Variants in SORT1 observed in about 807,000 individuals in gnomAD.
SORT1 encodes sortilin.
A neutral mutation model predicts 101.7 loss-of-function variants in SORT1; 39 were observed. The ratio of observed to expected loss-of-function variants is 0.38; its 90% CI spans 0.30 to 0.50. The LOEUF (loss-of-function observed/expected upper bound fraction) is 0.50, where lower values mean the gene tolerates loss of function less well. Ranked by LOEUF, SORT1 falls within the 20% of genes least tolerant of loss-of-function variation. The pLI is 0.90. For synonymous variants in SORT1, 396 were observed against 393.7 expected (o/e 1.01, Z -0.07); for missense variants, 878 against 1,040.4 (o/e 0.84, Z 2.15).
chr1:109,359,836 C>G (rs1650589640), intron 3 of SORT1, among the ~76,000 whole-genome samples: 1 of 152,172 alleles, frequency 6.6e-6, no homozygotes, highest in East Asian at 1.9e-4. Flanking sequence ...ACTCTAAAGT[C>G]TAAAATTGAA....
chr1:109,328,188 T>G (rs1266791695), intron 11 of SORT1, among the ~76,000 whole-genome samples: 1 of 152,266 alleles, frequency 6.6e-6, no homozygotes, highest in Non-Finnish European at 1.5e-5. Context: ...ATGAATAATG[T>G]TGCTATGTAC....
intron 3 of SORT1, among the ~76,000 whole-genome samples, chr1:109,364,507 C>T (rs983867668): frequency 4.6e-5 from 7 of 152,062 alleles, no homozygotes; most frequent in African/African-American, 1.7e-4. Context: ...AAAAAAACAG[C>T]TACAACCTAA....
rs553187239 is a variant in SORT1 at position 109,336,183 on chromosome 1, C to T, written c.1371+57G>A. 41 of 1,071,422 alleles carry T rather than the reference C, an allele frequency of 3.8e-5. 1 individual carries two copies. In the South Asian group the frequency reaches 4.9e-4, roughly 13 times the overall value. The allele number at this position is 1,071,422 out of a possible 1,614,324, so 66.4% of individuals were successfully genotyped here. A position where few individuals can be genotyped will look rare whatever the true frequency, so the allele number is the denominator to read the frequency against. On this transcript the variant is annotated intron_variant, in intron 11 of 19. Transcript: ENST00000256637. ...AACTTCATCATCCAAAAGGCTGGCA[C>T]TGATCAGAGCACAATGGAAAGGCTG...
intron 15 of SORT1, among the ~76,000 whole-genome samples, chr1:109,318,396 C>T (rs904072185): frequency 6.6e-6 from 1 of 152,106 alleles, no homozygotes; most frequent in East Asian, 1.9e-4. Flanking sequence ...GTGATACGCC[C>T]ACCTCGGCCT....
chr1:109,393,525 C>A (rs1653030359), intron 1 of SORT1, among the ~76,000 whole-genome samples: 1 of 152,160 alleles, frequency 6.6e-6, no homozygotes, highest in African/African-American at 2.4e-5. Flanking sequence ...TTGAAGCAAT[C>A]CAACTTAGTA....
Position 109,355,645 on chromosome 1 carries a change from G to GCCC in SORT1, c.441-179_441-177dup, listed in dbSNP as rs67471448. Reference sequence around the variant, plus strand: ...GGTGAGTCCGAAGAACATTCCACCCGCCCCCCCCCCCACAAACCCACTCAC... The same window carrying GCCC: ...GGTGAGTCCGAAGAACATTCCACCCGCCCCCCCCCCCCCCACAAACCCACTCAC... On this transcript the variant is annotated intron_variant, in intron 3 of 19. Coordinates refer to ENST00000256637, the MANE Select transcript of SORT1 (RefSeq NM_002959.7). 1.1e-3 allele frequency among the ~76,000 whole-genome samples: 96 copies of GCCC among 90,388 alleles called. 7 individuals are homozygous for GCCC. The highest frequency in any genetic ancestry group is 5.2e-3 in the South Asian group (11 of 2,118). 59.3% of individuals were successfully genotyped at this position (90,388 alleles called of 152,430 possible).
rs1341622055 is a variant in SORT1 at position 109,397,625 on chromosome 1, G to A, written c.268C>T (p.Arg90Trp). The A allele has an allele frequency of 1.6e-6, 2 of 1,285,690 alleles. No individual in the cohort carries two copies. Among genetic ancestry groups the A allele is most frequent in the African/African-American group, 1.6e-5 (1 of 62,654 alleles). The allele number at this position is 1,285,690 out of a possible 1,614,324, so 79.6% of individuals were successfully genotyped here. A position where few individuals can be genotyped will look rare whatever the true frequency, so the allele number is the denominator to read the frequency against. The change falls in exon 1 of 20, where the codon CGG becomes TGG. Residue 90 changes from arginine to tryptophan, a missense_variant. Coordinates refer to ENST00000256637, the MANE Select transcript of SORT1 (RefSeq NM_002959.7). The stretch of plus-strand genomic sequence containing the variant: ...TTGGCCAGCTTGGCGACGAAGTCCC[G>A]GACCCGGCCGCACTCCTCGTCCTCG... ...PGEDEECGRVRDFVAKLANNT... is the reference protein window; with the variant it reads ...PGEDEECGRVWDFVAKLANNT...
intron 13 of SORT1, 35 bp from the exon 14 acceptor site, chr1:109,325,124 G>C: frequency 6.8e-7 from 1 of 1,460,338 alleles, no homozygotes; most frequent in South Asian, 1.2e-5. Context: ...CATGACAGAG[G>C]ATCAATGTGT....
At chr1:109,351,360 G>A (rs1014332254) in intron 5 of SORT1, among the ~76,000 whole-genome samples, 11 of 152,164 alleles carry the variant, frequency 7.2e-5, no homozygotes, top group Non-Finnish European at 1.6e-4. Flanking sequence ...TATAAAATAT[G>A]GTCTAGTATA....
In SORT1 at chr1:109,359,172, T is replaced by C. The variant is rs550122957; in HGVS notation, c.441-3703A>G. Among the ~76,000 whole-genome samples the C allele has an allele frequency of 3.3e-5, 5 of 152,184 alleles. No individual in the cohort carries two copies. The East Asian group carries it at 9.7e-4, about 29-fold the overall frequency. On this transcript the variant is annotated intron_variant, in intron 3 of 19. Coordinates refer to ENST00000256637, the MANE Select transcript of SORT1 (RefSeq NM_002959.7). ...GATGTGCTGTCTGGTGAGGGTCTGC[T>C]TCCTGCTTCACAGATTACCCTCTTG...
rs577524390 is a variant in SORT1 at position 109,339,952 on chromosome 1, C to A, written c.1264+772G>T. Among the ~76,000 whole-genome samples, 13 of 152,128 alleles carry A rather than the reference C, an allele frequency of 8.5e-5. No homozygotes were observed. The South Asian group carries it at 2.5e-3, about 29-fold the overall frequency. ...TCACCTGAGGTCAGGAGCTCGAGACCAACCTGGCCAACATGGTGAAACCCC... is the reference window on the plus strand; with the variant it reads ...TCACCTGAGGTCAGGAGCTCGAGACAAACCTGGCCAACATGGTGAAACCCC... On this transcript the variant is annotated intron_variant, in intron 10 of 19. Coordinates refer to ENST00000256637, the MANE Select transcript of SORT1 (RefSeq NM_002959.7).
At chr1:109,330,500 T>C (rs962838987) in intron 11 of SORT1, among the ~76,000 whole-genome samples, 1 of 152,118 alleles carries the variant, frequency 6.6e-6, no homozygotes, top group Non-Finnish European at 1.5e-5. Flanking sequence ...AAGAAGAAAG[T>C]TTATGGTGAT....
At chr1:109,331,921 C>T (rs1648481289) in intron 11 of SORT1, among the ~76,000 whole-genome samples, 1 of 130,154 alleles carries the variant, frequency 7.7e-6, no homozygotes, top group East Asian at 2.3e-4. Context: ...ATTTCATCTA[C>T]AATAGTACAA....
At chr1:109,377,127 T>G (rs1326352798) in intron 1 of SORT1, among the ~76,000 whole-genome samples, 3 of 152,208 alleles carry the variant, frequency 2.0e-5, no homozygotes, top group Admixed American at 2.0e-4. Flanking sequence ...CAGACACTCC[T>G]GGTACTATAA....
intron 1 of SORT1, among the ~76,000 whole-genome samples, chr1:109,390,125 C>G (rs1172797845): frequency 6.6e-6 from 1 of 152,174 alleles, no homozygotes; most frequent in Non-Finnish European, 1.5e-5. Context: ...CTACTTCCTT[C>G]GTGCCGTTAC....
chr1:109,314,424 C>A, intron 18 of SORT1, 40 bp from the exon 19 acceptor site: 2 of 1,606,684 alleles, frequency 1.2e-6, no homozygotes, highest in Non-Finnish European at 1.7e-6. Context: ...TGGTACACAG[C>A]AGGGGTGCAC....
At chr1:109,323,802 T>G (rs1437845426) in intron 14 of SORT1, among the ~76,000 whole-genome samples, 1 of 152,200 alleles carries the variant, frequency 6.6e-6, no homozygotes, top group African/African-American at 2.4e-5. Flanking sequence ...GCTTAACAAA[T>G]CTTTTAATGA....
intron 1 of SORT1, among the ~76,000 whole-genome samples, chr1:109,378,740 ATATATATATATATATATAT>A (rs1652030731): frequency 1.9e-5 from 2 of 103,826 alleles, no homozygotes; most frequent in African/African-American, 4.3e-5. Context: ...ATATATATAT[ATATATATATATATATATAT>A]ATAAAGATGT....
rs555512822 is a variant in SORT1, at chr1:109,328,568, C to T, written c.1372-967G>A. 1.1e-4 allele frequency among the ~76,000 whole-genome samples: 17 copies of T among 152,232 alleles called. 1 individual carries two copies. The highest frequency in any genetic ancestry group is 4.1e-4 in the African/African-American group (17 of 41,540). ...ACAAGTTCTTTGCCTATTTTTTATTCAGGCTATTTGTTTGTTGTTGAGTTG... is the reference window on the plus strand; with the variant it reads ...ACAAGTTCTTTGCCTATTTTTTATTTAGGCTATTTGTTTGTTGTTGAGTTG... On this transcript the variant is annotated intron_variant, in intron 11 of 19. Transcript: ENST00000256637.
Sources: gnomAD v4.1 joint callset for allele counts (sites outside exome capture counted in the v4.1 genomes callset) on GRCh38, gnomAD v4.1.1 for gene constraint, MANE v1.5 for transcripts, NCBI Gene and HGNC (gene_info 2026-07-23, HGNC 2026-07-21) for gene names.